Variants in HORMAD2 observed in about 807,000 individuals in gnomAD.
HORMAD2 encodes HORMA domain-containing protein 2.
A neutral mutation model predicts 38.8 loss-of-function variants in HORMAD2; 45 were observed. That is an observed-to-expected ratio of 1.16 (90% CI 0.91 to 1.49). The LOEUF (loss-of-function observed/expected upper bound fraction) is 1.49. Among genes scored for constraint, HORMAD2 ranks in the 40% most tolerant of loss-of-function variants. HORMAD2 has a pLI of 0.00. For synonymous variants in HORMAD2, 126 were observed against 122.8 expected (o/e 1.03, Z -0.17); for missense variants, 338 against 367.0 (o/e 0.92, Z 0.65).
In HORMAD2 at chr22:30,150,484, C is replaced by T. The variant is rs75841028; in HGVS notation, c.820-25579C>T. 6.7e-3 allele frequency among the ~76,000 whole-genome samples: 1,013 copies of T among 152,104 alleles called. 6 individuals carry two copies. The highest frequency in any genetic ancestry group is 0.017 in the Middle Eastern group (5 of 294). Reference sequence around the variant, plus strand: ...GTTTGTTTCTTTTGTTTATTGTTTCCTCCTCTTCCCCCACCCACCTCCTCT... The same window carrying T: ...GTTTGTTTCTTTTGTTTATTGTTTCTTCCTCTTCCCCCACCCACCTCCTCT... On this transcript the variant is annotated intron_variant, in intron 10 of 10. Transcript: ENST00000336726.
downstream of HORMAD2, among the ~76,000 whole-genome samples, chr22:30,178,434 C>A (rs114740856): frequency 6.6e-6 from 1 of 152,150 alleles, no homozygotes; most frequent in South Asian, 2.1e-4. Flanking sequence ...TGGGCACACA[C>A]GGAAGGAGAT....
At chr22:30,105,918 C>T (rs1392947526) in intron 5 of HORMAD2, among the ~76,000 whole-genome samples, 2 of 152,196 alleles carry the variant, frequency 1.3e-5, no homozygotes, top group South Asian at 2.1e-4. Flanking sequence ...CTAGTCCGAA[C>T]GTTGCTTCCA....
At chr22:30,140,675 A>G (rs1254296061) in intron 10 of HORMAD2, among the ~76,000 whole-genome samples, 1 of 152,086 alleles carries the variant, frequency 6.6e-6, no homozygotes, top group Non-Finnish European at 1.5e-5. Context: ...TCTTTTATTT[A>G]CTTGGTCAAG....
chr22:30,198,917 C>T, the HORMAD2 span, among the ~76,000 whole-genome samples: 3 of 152,228 alleles, frequency 2.0e-5, no homozygotes, highest in Non-Finnish European at 4.4e-5. Flanking sequence ...TGGCTGGCCC[C>T]TTCCTCAGCA....
intron 10 of HORMAD2, among the ~76,000 whole-genome samples, chr22:30,130,601 TTTTTTTTGAGA>T (rs1923211892): frequency 6.9e-6 from 1 of 145,412 alleles, no homozygotes; most frequent in African/African-American, 2.5e-5. Flanking sequence ...TTTTTTTTTT[TTTTTTTTGAGA>T]CAGGGTCTCA....
intron 7 of HORMAD2, among the ~76,000 whole-genome samples, chr22:30,116,319 T>C (rs966876335): frequency 2.0e-5 from 3 of 152,110 alleles, no homozygotes; most frequent in African/African-American, 7.2e-5. Flanking sequence ...TTAAGGGTGG[T>C]GAGAAGCTAA....
At chr22:30,195,180 G>A in the HORMAD2 span, among the ~76,000 whole-genome samples, 45,381 of 132,636 alleles carry the variant, frequency 0.34, 7,883 homozygotes, top group East Asian at 0.58. Flanking sequence ...GTGACAGAGC[G>A]AGACTCCGTC....
At chr22:30,179,613 T>C (rs117721749), downstream of HORMAD2, among the ~76,000 whole-genome samples, 1 of 152,324 alleles carries the variant, frequency 6.6e-6, no homozygotes, top group East Asian at 1.9e-4. Flanking sequence ...GGGTGCACAA[T>C]ATCTCTGCAA....
At chr22:30,155,295 T>C (rs1392251811) in intron 10 of HORMAD2, among the ~76,000 whole-genome samples, 2 of 152,182 alleles carry the variant, frequency 1.3e-5, no homozygotes, top group Non-Finnish European at 2.9e-5. Context: ...ACTTAGCAAC[T>C]ATGTAAGTTA....
intron 10 of HORMAD2, among the ~76,000 whole-genome samples, chr22:30,144,896 T>C (rs1192243123): frequency 6.6e-6 from 1 of 152,054 alleles, no homozygotes; most frequent in Non-Finnish European, 1.5e-5. Flanking sequence ...ATACTAACGT[T>C]CTTTTCCTCC....
chr22:30,098,355 G>A (rs543137726), intron 2 of HORMAD2, among the ~76,000 whole-genome samples: 3 of 152,244 alleles, frequency 2.0e-5, no homozygotes, highest in South Asian at 4.1e-4. Flanking sequence ...AGATATGTAC[G>A]GATAGGTGAA....
At chr22:30,091,970 C>G (rs374555927) in intron 1 of HORMAD2, among the ~76,000 whole-genome samples, 1 of 151,828 alleles carries the variant, frequency 6.6e-6, no homozygotes, top group Admixed American at 6.6e-5. Flanking sequence ...TCCACCTCCC[C>G]GGTTCAAGTG....
intron 10 of HORMAD2, among the ~76,000 whole-genome samples, chr22:30,170,871 C>A (rs960232629): frequency 6.6e-6 from 1 of 152,102 alleles, no homozygotes; most frequent in African/African-American, 2.4e-5. Context: ...TGACTTCTAC[C>A]CTCACCAATC....
intron 1 of HORMAD2, among the ~76,000 whole-genome samples, chr22:30,088,113 A>G (rs1438762523): frequency 6.7e-6 from 1 of 148,164 alleles, no homozygotes; most frequent in African/African-American, 2.6e-5. Context: ...ACACGTGTAC[A>G]TATACACACA....
chr22:30,080,543 TGTTA>T (rs2068451401), intron 1 of HORMAD2, 52 bp downstream of exon 1: 1 of 152,344 alleles, frequency 6.6e-6, no homozygotes, highest in East Asian at 1.9e-4. Context: ...ACTCGGGCGT[TGTTA>T]GTTCTGTCTT....
chr22:30,179,927 C>T (rs1312017003), downstream of HORMAD2, among the ~76,000 whole-genome samples: 4 of 152,100 alleles, frequency 2.6e-5, no homozygotes, highest in African/African-American at 9.7e-5. Context: ...CTCACTCTGT[C>T]ACCCAGGCTG....
intron 10 of HORMAD2, among the ~76,000 whole-genome samples, chr22:30,122,483 G>T (rs1922531262): frequency 6.6e-6 from 1 of 151,910 alleles, no homozygotes; most frequent in African/African-American, 2.4e-5. Context: ...AAAATTTGAG[G>T]TTTTCTTTCC....
chr22:30,196,696 AAGTCTGCT>A, the HORMAD2 span, among the ~76,000 whole-genome samples: 1 of 152,134 alleles, frequency 6.6e-6, no homozygotes, highest in East Asian at 1.9e-4. Flanking sequence ...TGTTTGTGAA[AAGTCTGCT>A]GTGCTCTCTT....
the HORMAD2 span, among the ~76,000 whole-genome samples, chr22:30,192,480 C>T: frequency 1.3e-5 from 2 of 152,042 alleles, no homozygotes; most frequent in Non-Finnish European, 2.9e-5. Context: ...ACCAGTGTGG[C>T]AGGATTTCCA....
Sources: allele counts gnomAD v4.1 joint callset (sites outside exome capture counted in the v4.1 genomes callset), GRCh38; gene constraint gnomAD v4.1.1; transcripts MANE v1.5; gene names NCBI Gene and HGNC (gene_info 2026-07-23, HGNC 2026-07-21).